PRELID2: variants seen among roughly 807,000 people sequenced by gnomAD.
PRELID2 encodes PRELI domain containing 2.
In PRELID2, 25 loss-of-function variants were observed where a neutral mutation model predicts 28.4. The ratio of observed to expected loss-of-function variants is 0.88; its 90% CI spans 0.64 to 1.23. The LOEUF (loss-of-function observed/expected upper bound fraction) is 1.23, where lower values mean the gene tolerates loss of function less well. Among genes scored for constraint, PRELID2 ranks in the 50% most tolerant of loss-of-function variants. The pLI, the probability that PRELID2 is intolerant of heterozygous loss-of-function variation, is 0.00. For missense variants in PRELID2, 201 were observed against 214.4 expected, an observed-to-expected ratio of 0.94 and a Z score of 0.39; for synonymous variants, 76 against 71.6, an observed-to-expected ratio of 1.06 and a Z score of -0.31.
At chr5:145,413,112 A>C in the PRELID2 span, among the ~76,000 whole-genome samples, 1 of 152,296 alleles carries the variant, frequency 6.6e-6, no homozygotes, top group East Asian at 1.9e-4. Context: ...TAATATCCAG[A>C]ACCCACAAAG....
At chr5:145,661,251 A>G (rs1754487069) in intron 1 of PRELID2, among the ~76,000 whole-genome samples, 1 of 152,168 alleles carries the variant, frequency 6.6e-6, no homozygotes, top group Non-Finnish European at 1.5e-5. Flanking sequence ...TGACTTTCAT[A>G]TATGTATACA....
At chr5:145,762,658 G>T (rs566066535) in intron 6 of PRELID2, among the ~76,000 whole-genome samples, 2 of 152,120 alleles carry the variant, frequency 1.3e-5, no homozygotes, top group Non-Finnish European at 2.9e-5. Flanking sequence ...TTTAAAGTAC[G>T]AGTTGATGTG....
chr5:145,359,122 C>A, the PRELID2 span, among the ~76,000 whole-genome samples: 2 of 152,162 alleles, frequency 1.3e-5, no homozygotes, highest in Non-Finnish European at 2.9e-5. Flanking sequence ...TACTCCAAAC[C>A]TGTTCTTTTA....
At chr5:145,255,950 G>A in the PRELID2 span, among the ~76,000 whole-genome samples, 4 of 151,658 alleles carry the variant, frequency 2.6e-5, no homozygotes, top group Non-Finnish European at 4.4e-5. Flanking sequence ...TAGAGATAAC[G>A]GCCAACAATT....
At chr5:145,813,678 T>A (rs559399282) in intron 4 of PRELID2, among the ~76,000 whole-genome samples, 1 of 152,162 alleles carries the variant, frequency 6.6e-6, no homozygotes, top group Non-Finnish European at 1.5e-5. Context: ...ATGAAGGATA[T>A]AGCTTTGACC....
intron 1 of PRELID2, among the ~76,000 whole-genome samples, chr5:145,480,134 T>C (rs1327132046): frequency 6.6e-6 from 1 of 152,208 alleles, no homozygotes; most frequent in African/African-American, 2.4e-5. Flanking sequence ...ACCCAGTTTG[T>C]CAGAACAATT....
intron 1 of PRELID2, among the ~76,000 whole-genome samples, chr5:145,565,890 A>T (rs76038018): frequency 0.071 from 10,883 of 152,290 alleles, 597 homozygotes; most frequent in Admixed American, 0.19. Context: ...CATTTCTAAA[A>T]TAATCAGATT....
At chr5:145,381,773 A>G in the PRELID2 span, 1 of 152,226 alleles carries the variant, frequency 6.6e-6, no homozygotes, top group Non-Finnish European at 1.5e-5. Context: ...CCACAAGTTC[A>G]AGATAATCAA....
chr5:145,376,920 C>A, the PRELID2 span, among the ~76,000 whole-genome samples: 1 of 151,798 alleles, frequency 6.6e-6, no homozygotes. Context: ...TATTTCTTGT[C>A]TTCTGCTAGT....
At chr5:145,826,221 G>A (rs1308846709) in intron 1 of PRELID2, 9 of 965,574 alleles carry the variant, frequency 9.3e-6, no homozygotes, top group Non-Finnish European at 1.1e-5. Flanking sequence ...TTAATATACA[G>A]AGTATTTCTG....
chr5:145,243,850 C>T, the PRELID2 span, among the ~76,000 whole-genome samples: 1 of 152,052 alleles, frequency 6.6e-6, no homozygotes, highest in Non-Finnish European at 1.5e-5. Flanking sequence ...AAAAGAAGAT[C>T]ATACATTTTT....
At chr5:145,769,491 C>G (rs748908035) in intron 5 of PRELID2, among the ~76,000 whole-genome samples, 9 of 152,186 alleles carry the variant, frequency 5.9e-5, no homozygotes, top group Non-Finnish European at 1.2e-4. Context: ...TAAATTCAAA[C>G]AGTATATTTA....
At chr5:145,312,268 T>C in the PRELID2 span, among the ~76,000 whole-genome samples, 335 of 152,154 alleles carry the variant, frequency 2.2e-3, 2 homozygotes, top group African/African-American at 7.8e-3. Flanking sequence ...GTGGGATCAC[T>C]TGAGCCCAGG....
At chr5:145,468,194 G>A, downstream of PRELID2, among the ~76,000 whole-genome samples, 1 of 152,086 alleles carries the variant, frequency 6.6e-6, no homozygotes, top group Non-Finnish European at 1.5e-5. Flanking sequence ...GCGATAGTTT[G>A]CTGAGAATGG....
chr5:145,826,132 C>T (rs112901059), intron 1 of PRELID2: 588 of 985,394 alleles, frequency 6.0e-4, no homozygotes, highest in African/African-American at 3.4e-3. Context: ...ACTGTGTTCA[C>T]GCAGGGTGCT....
At chr5:145,811,835 C>T (rs1214110183) in intron 4 of PRELID2, among the ~76,000 whole-genome samples, 1 of 152,178 alleles carries the variant, frequency 6.6e-6, no homozygotes, top group African/African-American at 2.4e-5. Flanking sequence ...TCCCTGTAAT[C>T]ATCTGCAGTA....
At chr5:145,565,017 G>A (rs1483033946) in intron 1 of PRELID2, among the ~76,000 whole-genome samples, 2 of 152,194 alleles carry the variant, frequency 1.3e-5, no homozygotes, top group Non-Finnish European at 1.5e-5. Context: ...GATGAGCCAG[G>A]TACCTCAGTT....
At chr5:145,236,562 A>C in the PRELID2 span, among the ~76,000 whole-genome samples, 1 of 152,138 alleles carries the variant, frequency 6.6e-6, no homozygotes, top group Non-Finnish European at 1.5e-5. Flanking sequence ...CCTAAAACCC[A>C]CATTGATAAT....
At chr5:145,292,694 A>G in the PRELID2 span, among the ~76,000 whole-genome samples, 1 of 152,166 alleles carries the variant, frequency 6.6e-6, no homozygotes, top group East Asian at 1.9e-4. Context: ...AAAAATCTGT[A>G]CTCATTTCCC....
Sources: allele counts gnomAD v4.1 joint callset (sites outside exome capture counted in the v4.1 genomes callset), GRCh38; gene constraint gnomAD v4.1.1; transcripts MANE v1.5; gene names NCBI Gene and HGNC (gene_info 2026-07-23, HGNC 2026-07-21).